DHRS2: variants seen among roughly 807,000 people sequenced by gnomAD.
DHRS2 encodes dehydrogenase/reductase SDR family member 2, mitochondrial.
Under a neutral mutation model 26.3 loss-of-function variants are expected in DHRS2, and 29 were observed. The ratio of observed to expected loss-of-function variants is 1.10; its 90% CI spans 0.82 to 1.50. The LOEUF (loss-of-function observed/expected upper bound fraction) is 1.50, where lower values mean the gene tolerates loss of function less well. Ranked by LOEUF, DHRS2 falls within the 40% of genes most tolerant of loss-of-function variation. The probability of loss-of-function intolerance (pLI) is 0.00; values close to 1 mark genes in which losing one functional copy is unlikely to be tolerated. For synonymous variants in DHRS2, 164 were observed against 151.3 expected, an observed-to-expected ratio of 1.08 and a Z score of -0.62; for missense variants, 439 against 367.1, an observed-to-expected ratio of 1.20 and a Z score of -1.60.
At position 23,645,195 on chromosome 14, in the gene DHRS2, A is replaced by G; in HGVS notation, c.785A>G (p.Asp262Gly). Residue 262 changes from aspartate (D) to glycine (G), a missense_variant, in exon 9 of 9, where the codon GAT becomes GGT. Transcript: ENST00000250383. The stretch of plus-strand genomic sequence containing the variant: ...ATCGTGTCCTTCCTGTGCTCTCCAG[A>G]TGCCAGCTACGTCAACGGGGAGAAC... ...AGIVSFLCSP[D>G]ASYVNGENIA... The G allele has an allele frequency of 1.2e-6, 2 of 1,614,122 alleles. No homozygotes were observed. The highest frequency in any genetic ancestry group is 1.1e-5 in the South Asian group (1 of 91,080).
chr14:23,640,151 C>A, intron 4 of DHRS2: 1 of 713,736 alleles, frequency 1.4e-6, no homozygotes, highest in Non-Finnish European at 1.8e-6. Context: ...TTTAATCATT[C>A]AGCAGGTATT....
At position 23,645,510 on chromosome 14, in the gene DHRS2, G is replaced by A; in HGVS notation, c.*257G>A. 6.5e-6 allele frequency: 4 copies of A among 612,568 alleles called. No individual in the cohort carries two copies. In the Admixed American group the frequency reaches 9.4e-5, roughly 14 times the overall value. 37.9% of individuals were successfully genotyped at this position (612,568 alleles called of 1,614,324 possible). A position where few individuals can be genotyped will look rare whatever the true frequency, so the allele number is the denominator to read the frequency against. On this transcript the variant is annotated 3_prime_UTR_variant, in exon 9 of 9. Transcript: ENST00000250383. ...CTGGGGAGCTGAAGGATTTTATGGAGCTGGTGCTTTGGAGGAATCTTAAGG... is the reference window on the plus strand; with the variant it reads ...CTGGGGAGCTGAAGGATTTTATGGAACTGGTGCTTTGGAGGAATCTTAAGG...
chr14:23,638,548 T>G (rs539627065), intron 1 of DHRS2: 165 of 293,964 alleles, frequency 5.6e-4, no homozygotes, highest in Non-Finnish European at 9.1e-4. Context: ...TTGCCAGTGC[T>G]CAATGTTTGC....
At chr14:23,640,877 T>C (rs551314103) in intron 4 of DHRS2, 1 of 152,394 alleles carries the variant, frequency 6.6e-6, no homozygotes, top group Non-Finnish European at 1.5e-5. Context: ...AAGGATCATT[T>C]GTGATTTTAT....
At chr14:23,640,486 T>A in intron 4 of DHRS2, 1 of 972,094 alleles carries the variant, frequency 1.0e-6, no homozygotes, top group Non-Finnish European at 1.2e-6. Flanking sequence ...GGAGAGACCT[T>A]GTAAAATGCC....
chr14:23,632,982 C>T (rs1406969153), upstream of DHRS2, among the ~76,000 whole-genome samples: 2 of 152,212 alleles, frequency 1.3e-5, no homozygotes, highest in Non-Finnish European at 2.9e-5. Flanking sequence ...GGAAGCTCAT[C>T]AGATTCTTCC....
In DHRS2 at chr14:23,644,946, C is replaced by T. The variant is rs1210158285; in HGVS notation, c.731+64C>T. ...TAGGCAGGGGCAGTTGAGTCTATTG[C>T]AAGAGCAGACCCCTCCCTGTCATCT... On this transcript the variant is annotated intron_variant, in intron 8 of 8. Transcript: ENST00000250383. 5.1e-6 allele frequency: 8 copies of T among 1,579,792 alleles called. No individual in the cohort carries two copies. The African/African-American group carries it at 5.4e-5, about 11-fold the overall frequency.
intron 4 of DHRS2, chr14:23,641,388 C>T (rs1437250986): frequency 3.8e-6 from 1 of 261,952 alleles, no homozygotes. Flanking sequence ...AGCGTGCGCC[C>T]TCTTTCAGGC....
chr14:23,634,501 A>G (rs1326568247), upstream of DHRS2, among the ~76,000 whole-genome samples: 2 of 151,992 alleles, frequency 1.3e-5, no homozygotes, highest in African/African-American at 4.8e-5. Context: ...TAAGCAATAT[A>G]GAATTGTTTT....
Position 23,639,348 on chromosome 14 carries a change from G to A in DHRS2, c.310G>A (p.Val104Met), listed in dbSNP as rs755399377. 4 of 1,566,178 alleles carry A rather than the reference G, an allele frequency of 2.6e-6. No homozygotes were observed. In the African/African-American group the frequency reaches 5.4e-5, roughly 21 times the overall value. Residue 104 changes from valine to methionine, a missense_variant, in exon 3 of 9, where the codon GTG (valine) becomes ATG (methionine). By Grantham distance (21) the Val-to-Met change is conservative. Transcript: ENST00000250383. Reference sequence around the variant, plus strand: ...GAAGGCTGAGGACCGGGAGCAGCTGGTGGCCAAGGTGAGGGGGCAGGCGGT... The same window carrying A: ...GAAGGCTGAGGACCGGGAGCAGCTGATGGCCAAGGTGAGGGGGCAGGCGGT... Reference protein sequence around the residue: ...VGKAEDREQLVAKALEHCGGV... With the variant: ...VGKAEDREQLMAKALEHCGGV...
intron 5 of DHRS2, chr14:23,643,505 T>A: frequency 2.4e-6 from 1 of 421,394 alleles, no homozygotes; most frequent in South Asian, 2.7e-5. Flanking sequence ...TGTGGGCTGG[T>A]CATTGTCACC....
At position 23,636,545 on chromosome 14, in the gene DHRS2, A is replaced by G. The variant is rs915171929; in HGVS notation, c.-266A>G. On this transcript the variant is annotated 5_prime_UTR_variant, in exon 1 of 9. Coordinates refer to ENST00000250383, the MANE Select transcript of DHRS2 (RefSeq NM_005794.4). ...ACCACGAATGCACCGAGAGGAATGA[A>G]CAACTCTGGACACACCATCTTTAAG... The G allele has an allele frequency of 4.6e-5, 7 of 152,176 alleles. No homozygotes were observed. Among genetic ancestry groups the G allele is most frequent in the African/African-American group, 1.7e-4 (7 of 41,414 alleles). The allele number at this position is 152,176 out of a possible 1,614,324, so 9.4% of individuals were successfully genotyped here. A position where few individuals can be genotyped will look rare whatever the true frequency, so the allele number is the denominator to read the frequency against.
intron 7 of DHRS2, 138 bp from the exon 8 acceptor site, chr14:23,644,689 A>G: frequency 1.4e-6 from 2 of 1,478,178 alleles, no homozygotes; most frequent in South Asian, 1.2e-5. Context: ...GCCATGGTGC[A>G]GTCCATCCAT....
rs746500230 is a variant in DHRS2, at chr14:23,643,185, C to T, written c.454C>T (p.Leu152=). Residue 152 remains leucine, a synonymous_variant, in exon 5 of 9, where the codon CTG becomes TTG. Transcript: ENST00000250383. ...TGTGAACGTGAAGTCCCCAGCCCTG[C>T]TGCTGAGCCAGTTGCTGCCCTACAT... ...LSVNVKSPAL[L]LSQLLPYMEN... The T allele has an allele frequency of 3.1e-6, 5 of 1,614,110 alleles. No homozygotes were observed. The Admixed American group carries it at 8.3e-5, about 27-fold the overall frequency.
At position 23,645,282 on chromosome 14, in the gene DHRS2, G is replaced by C; in HGVS notation, c.*29G>C. Reference sequence around the variant, plus strand: ...GAGTGGGGGCGGCTGCGTAGCTGTGGTCCCAGGCCCAGGAGCCTGAGGGGG... The same window carrying C: ...GAGTGGGGGCGGCTGCGTAGCTGTGCTCCCAGGCCCAGGAGCCTGAGGGGG... On this transcript the variant is annotated 3_prime_UTR_variant, in exon 9 of 9. Transcript: ENST00000250383. 5.6e-6 allele frequency: 9 copies of C among 1,613,814 alleles called. No homozygotes were observed. The highest frequency in any genetic ancestry group is 6.8e-6 in the Non-Finnish European group (8 of 1,180,042).
chr14:23,640,231 C>T, intron 4 of DHRS2: 1 of 1,004,606 alleles, frequency 1.0e-6, no homozygotes, highest in Non-Finnish European at 1.2e-6. Flanking sequence ...GTCAGAGTCT[C>T]TCTGTAAGAG....
At chr14:23,640,284 C>CG (rs1480453946) in intron 4 of DHRS2, 2 of 986,948 alleles carry the variant, frequency 2.0e-6, no homozygotes, top group African/African-American at 1.7e-5. Flanking sequence ...GGGGAAGATA[C>CG]GGATACTGTG....
chr14:23,641,868 G>A, intron 4 of DHRS2: 3 of 1,227,400 alleles, frequency 2.4e-6, no homozygotes, highest in South Asian at 1.4e-5. Context: ...AGTTGCAGAT[G>A]TGGTCTCATT....
In DHRS2 at chr14:23,637,099, C is replaced by T. The variant is rs138681877; in HGVS notation, c.-39+327C>T. Among the ~76,000 whole-genome samples, 397 of 152,310 alleles carry T rather than the reference C, an allele frequency of 2.6e-3. 2 individuals carry two copies. The highest frequency in any genetic ancestry group is 9.2e-3 in the African/African-American group (381 of 41,558). On this transcript the variant is annotated intron_variant, in intron 1 of 8. Coordinates refer to ENST00000250383, the MANE Select transcript of DHRS2 (RefSeq NM_005794.4). ...CGGCCATGAGCGGAACTCTCAAAGG[C>T]ATGTTGCCCAAGTGAGACTCACCTA...
Sources: gnomAD v4.1 joint callset for allele counts (sites outside exome capture counted in the v4.1 genomes callset) on GRCh38, gnomAD v4.1.1 for gene constraint, MANE v1.5 for transcripts, NCBI Gene and HGNC (gene_info 2026-07-23, HGNC 2026-07-21) for gene names.